KCNS3: variants seen among roughly 807,000 people sequenced by gnomAD.
The protein encoded by KCNS3 is delayed-rectifier potassium channel regulatory subunit KCNS3.
Under a neutral mutation model 31.0 loss-of-function variants are expected in KCNS3, and 13 were observed. The ratio of observed to expected loss-of-function variants is 0.42; its 90% CI spans 0.27 to 0.67. The LOEUF is 0.67. Among genes scored for constraint, KCNS3 ranks in the 30% least tolerant of loss-of-function variants. KCNS3 has a pLI of 0.25. For missense variants in KCNS3, 545 were observed against 622.4 expected, an observed-to-expected ratio of 0.88 and a Z score of 1.32; for synonymous variants, 238 against 241.5, an observed-to-expected ratio of 0.99 and a Z score of 0.13.
chr2:17,895,703 G>A (rs1182210898), intron 1 of KCNS3, among the ~76,000 whole-genome samples: 3 of 152,168 alleles, frequency 2.0e-5, no homozygotes, highest in South Asian at 2.1e-4. Context: ...CATTAGGTGC[G>A]TGTATGAGGG....
intron 1 of KCNS3, among the ~76,000 whole-genome samples, chr2:17,884,932 GTTTT>G (rs55738585): frequency 2.3e-5 from 3 of 128,002 alleles, no homozygotes; most frequent in Non-Finnish European, 3.3e-5. Flanking sequence ...CTTCCCTGTT[GTTTT>G]TTTTTTTTTT....
At chr2:17,921,935 A>ATATG (rs1158398244) in intron 2 of KCNS3, among the ~76,000 whole-genome samples, 13 of 80,470 alleles carry the variant, frequency 1.6e-4, no homozygotes, top group African/African-American at 6.4e-4. Context: ...ATATATATAT[A>ATATG]TATATATATA....
At chr2:17,916,646 T>A (rs1662592287) in intron 1 of KCNS3, among the ~76,000 whole-genome samples, 3 of 152,190 alleles carry the variant, frequency 2.0e-5, no homozygotes, top group Non-Finnish European at 4.4e-5. Context: ...TCATTCCCCC[T>A]CCATTGCCCC....
At chr2:17,893,620 G>A (rs1030418800) in intron 1 of KCNS3, among the ~76,000 whole-genome samples, 2 of 152,088 alleles carry the variant, frequency 1.3e-5, no homozygotes, top group East Asian at 1.9e-4. Context: ...TCTGTATTTC[G>A]CTCGGCTCTC....
intron 1 of KCNS3, among the ~76,000 whole-genome samples, chr2:17,911,485 A>T (rs1031569901): frequency 1.3e-5 from 2 of 152,136 alleles, no homozygotes; most frequent in Non-Finnish European, 2.9e-5. Flanking sequence ...TTATTTTTCT[A>T]TGTAGAAATA....
intron 2 of KCNS3, among the ~76,000 whole-genome samples, chr2:17,927,819 T>TTAA (rs369058780): frequency 0.041 from 6,309 of 152,284 alleles, 393 homozygotes; most frequent in African/African-American, 0.14. Flanking sequence ...CTTAACTCTT[T>TTAA]CAACCAATTG....
At position 17,932,200 on chromosome 2, in the gene KCNS3, G is replaced by A; in HGVS notation, c.1192G>A (p.Val398Met). 6.2e-7 allele frequency: 1 copy of A among 1,613,944 alleles called. No homozygotes were observed. Among genetic ancestry groups the A allele is most frequent in the Non-Finnish European group, 8.5e-7 (1 of 1,179,888 alleles). The stretch of plus-strand genomic sequence containing the variant: ...ATGCATCATCTGTGGCATCTTGGTG[G>A]TGGCCCTTCCCATCACCATCATCTT... Reference protein sequence around the residue: ...STCIICGILVVALPITIIFNK... With the variant: ...STCIICGILVMALPITIIFNK... Residue 398 changes from valine to methionine, a missense_variant, in exon 3 of 3, where the codon GTG becomes ATG. By Grantham distance (21) the Val-to-Met change is conservative. Coordinates refer to ENST00000304101, the MANE Select transcript of KCNS3 (RefSeq NM_002252.5).
intron 1 of KCNS3, among the ~76,000 whole-genome samples, chr2:17,883,346 G>T: frequency 8.4e-6 from 1 of 119,744 alleles, no homozygotes; most frequent in East Asian, 2.9e-4. Context: ...ATGATGTTAT[G>T]TACTATGCTA....
At position 17,930,762 on chromosome 2, in the gene KCNS3, G is replaced by T. The variant is rs1231574222; in HGVS notation, c.-59-188G>T. 2.0e-5 allele frequency among the ~76,000 whole-genome samples: 3 copies of T among 152,078 alleles called. No individual in the cohort carries two copies. The East Asian group carries it at 5.8e-4, about 29-fold the overall frequency. ...AGAAAATGGGTTCCCAAAATCCTAA[G>T]TTTTTTTGGGAAAAATCTGTTTTGT... On this transcript the variant is annotated intron_variant, in intron 2 of 2. Transcript: ENST00000304101.
At chr2:17,893,939 AGTTTTTT>A (rs1390233976) in intron 1 of KCNS3, among the ~76,000 whole-genome samples, 1 of 84,604 alleles carries the variant, frequency 1.2e-5, no homozygotes, top group African/African-American at 5.3e-5. Context: ...CCCAGGAGCC[AGTTTTTT>A]TTTTTTTTTT....
intron 1 of KCNS3, among the ~76,000 whole-genome samples, chr2:17,906,048 C>T (rs146173606): frequency 0.019 from 2,956 of 152,294 alleles, 40 homozygotes; most frequent in Non-Finnish European, 0.03. Context: ...ACCAGCTCCT[C>T]CTTGTACCTC....
At chr2:17,879,939 C>T (rs35349881) in intron 1 of KCNS3, among the ~76,000 whole-genome samples, 45 of 152,082 alleles carry the variant, frequency 3.0e-4, no homozygotes, top group African/African-American at 1.0e-3. Context: ...GTGGTTGGCC[C>T]GGAGCCTTCG....
intron 2 of KCNS3, among the ~76,000 whole-genome samples, chr2:17,929,182 G>C (rs1662900477): frequency 6.6e-6 from 1 of 152,292 alleles, no homozygotes; most frequent in Admixed American, 6.5e-5. Flanking sequence ...CCTCTGGTGG[G>C]AATGTCCTTT....
Position 17,931,045 on chromosome 2 carries a change from G to A in KCNS3, c.37G>A (p.Asp13Asn). 1 of 1,614,070 alleles carries A rather than the reference G, an allele frequency of 6.2e-7. No homozygotes were observed. Among genetic ancestry groups the A allele is most frequent in the Non-Finnish European group, 8.5e-7 (1 of 1,179,996 alleles). ...FGEFFHRPGQ[D>N]EELVNLNVGG... ...TGAGTTTTTCCATCGCCCTGGACAA[G>A]ACGAGGAACTTGTCAACCTGAATGT... is the stretch of plus-strand genomic sequence containing the variant. The change falls in exon 3 of 3, where the codon GAC becomes AAC. Residue 13 changes from aspartate (D) to asparagine (N), a missense_variant. Coordinates refer to ENST00000304101, the MANE Select transcript of KCNS3 (RefSeq NM_002252.5). This position sits in a 1 kb window ranked among gnomAD's most constrained non-coding sequence, Gnocchi z 5.4.
At chr2:17,923,954 G>A (rs1486294166) in intron 2 of KCNS3, among the ~76,000 whole-genome samples, 2 of 151,820 alleles carry the variant, frequency 1.3e-5, no homozygotes, top group African/African-American at 2.4e-5. Flanking sequence ...TAATTTGGAG[G>A]GTATTGCCAT....
intron 2 of KCNS3, among the ~76,000 whole-genome samples, chr2:17,920,589 C>T (rs1415435407): frequency 6.6e-6 from 1 of 152,134 alleles, no homozygotes; most frequent in Non-Finnish European, 1.5e-5. Context: ...TCTTTTCAAT[C>T]TTATAAACAC....
rs532095670 is a variant in KCNS3, at chr2:17,931,786, T to C, written c.778T>C (p.Phe260Leu). ...FWKNPLNIID[F>L]VSIIPFYATL... ...GAAAAACCCTCTGAACATCATTGAC[T>C]TTGTCTCTATTATTCCCTTCTATGC... is the stretch of plus-strand genomic sequence containing the variant. The change falls in exon 3 of 3, where the codon TTT becomes CTT. Residue 260 changes from phenylalanine (F) to leucine (L), a missense_variant. Phe to Leu is a conservative substitution (Grantham distance 22). Transcript: ENST00000304101. The surrounding 1 kb of genome is among the most constrained non-coding windows in gnomAD (Gnocchi z 5.4). The C allele has an allele frequency of 6.2e-7, 1 of 1,614,162 alleles. No homozygotes were observed. Among genetic ancestry groups the C allele is most frequent in the Non-Finnish European group, 8.5e-7 (1 of 1,180,014 alleles).
In KCNS3 at chr2:17,925,458, C is replaced by T. The variant is rs114211305; in HGVS notation, c.-59-5492C>T. Among the ~76,000 whole-genome samples the T allele has an allele frequency of 3.3e-3, 500 of 152,188 alleles. 3 individuals are homozygous for T. The highest frequency in any genetic ancestry group is 0.011 in the African/African-American group (457 of 41,528). On this transcript the variant is annotated intron_variant, in intron 2 of 2. Coordinates refer to ENST00000304101, the MANE Select transcript of KCNS3 (RefSeq NM_002252.5). The stretch of plus-strand genomic sequence containing the variant: ...TAGACAATGTATTAATCTGTTTTCA[C>T]GCTGCTATAAAGACATACCCGACTG...
chr2:17,893,313 G>C (rs1372996841), intron 1 of KCNS3, among the ~76,000 whole-genome samples: 2 of 152,212 alleles, frequency 1.3e-5, no homozygotes, highest in African/African-American at 4.8e-5. Context: ...GAGAGTGAGA[G>C]GGTCTTGAAA....
Sources: gnomAD v4.1 joint callset for allele counts (sites outside exome capture counted in the v4.1 genomes callset) on GRCh38, gnomAD v4.1.1 for gene constraint, Gnocchi (gnomAD v3.1) non-coding constraint, MANE v1.5 for transcripts, NCBI Gene and HGNC (gene_info 2026-07-23, HGNC 2026-07-21) for gene names.